EYA1: variants seen among roughly 807,000 people sequenced by gnomAD.
The protein encoded by EYA1 is EYA transcriptional coactivator and phosphatase 1.
In EYA1, 16 loss-of-function variants were observed where a neutral mutation model predicts 82.0. The observed-to-expected ratio is 0.20, with a 90% CI of 0.13 to 0.30. The LOEUF is 0.30. Ranked by LOEUF, EYA1 falls within the 10% of genes least tolerant of loss-of-function variation. The pLI, the probability that EYA1 is intolerant of heterozygous loss-of-function variation, is 1.00. For missense variants in EYA1, 633 were observed against 730.7 expected, an observed-to-expected ratio of 0.87 and a Z score of 1.54; for synonymous variants, 261 against 264.4, an observed-to-expected ratio of 0.99 and a Z score of 0.12.
At chr8:71,289,216 G>A (rs1033144608) in intron 9 of EYA1, among the ~76,000 whole-genome samples, 1 of 152,240 alleles carries the variant, frequency 6.6e-6, no homozygotes, top group Non-Finnish European at 1.5e-5. Flanking sequence ...GTAGGATACA[G>A]GGGAAGCACG....
chr8:71,238,366 C>T (rs866193956), intron 12 of EYA1, among the ~76,000 whole-genome samples: 3 of 152,010 alleles, frequency 2.0e-5, no homozygotes, highest in Non-Finnish European at 4.4e-5. Flanking sequence ...CATTCATTTC[C>T]CATGTTTTGT....
At chr8:71,421,943 G>A (rs753213914) in intron 2 of EYA1, among the ~76,000 whole-genome samples, 9 of 152,176 alleles carry the variant, frequency 5.9e-5, no homozygotes, top group South Asian at 2.1e-4. Context: ...GAAAAGTATC[G>A]GCGTCAGTAT....
At chr8:71,408,190 C>A (rs1212198784) in intron 2 of EYA1, among the ~76,000 whole-genome samples, 2 of 151,904 alleles carry the variant, frequency 1.3e-5, no homozygotes, top group East Asian at 3.9e-4. Context: ...TTTGTCACCA[C>A]TAGGCCTGCC....
chr8:71,307,821 C>T (rs1195193108), intron 7 of EYA1, among the ~76,000 whole-genome samples: 2 of 152,196 alleles, frequency 1.3e-5, no homozygotes, highest in Non-Finnish European at 2.9e-5. Context: ...AGGATCCTAA[C>T]AGAACACTGA....
At chr8:71,235,721 G>A (rs774475907) in intron 12 of EYA1, among the ~76,000 whole-genome samples, 3 of 152,078 alleles carry the variant, frequency 2.0e-5, no homozygotes, top group Non-Finnish European at 4.4e-5. Flanking sequence ...GGTACTTAAT[G>A]GTTATTCAAT....
chr8:71,428,844 G>A (rs1427736974), intron 2 of EYA1, among the ~76,000 whole-genome samples: 1 of 152,128 alleles, frequency 6.6e-6, no homozygotes, highest in Admixed American at 6.6e-5. Flanking sequence ...AGAAACAAGA[G>A]AGAAAGCTGA....
intron 3 of EYA1, among the ~76,000 whole-genome samples, chr8:71,353,494 T>C (rs975745708): frequency 2.0e-5 from 3 of 152,216 alleles, no homozygotes; most frequent in African/African-American, 7.2e-5. Flanking sequence ...TCCGCAAAAT[T>C]TCAATTTTTG....
intron 3 of EYA1, among the ~76,000 whole-genome samples, chr8:71,342,644 G>A (rs2129054724): frequency 6.6e-6 from 1 of 152,226 alleles, no homozygotes; most frequent in Admixed American, 6.5e-5. Context: ...TAAAAAATGT[G>A]TATTTTAATA....
chr8:71,431,494 C>A (rs183123078), intron 2 of EYA1, among the ~76,000 whole-genome samples: 3 of 152,204 alleles, frequency 2.0e-5, no homozygotes, highest in Admixed American at 6.5e-5. Flanking sequence ...CCCTGATACC[C>A]TCCCTCTTCA....
chr8:71,535,126 G>A (rs1454658442), intron 2 of EYA1, among the ~76,000 whole-genome samples: 1 of 151,998 alleles, frequency 6.6e-6, no homozygotes, highest in Non-Finnish European at 1.5e-5. Flanking sequence ...TAACTCAAAG[G>A]TTATTTGTAA....
intron 2 of EYA1, among the ~76,000 whole-genome samples, chr8:71,433,666 T>C (rs1454526092): frequency 4.6e-5 from 7 of 152,306 alleles, no homozygotes; most frequent in Middle Eastern, 3.4e-3. Flanking sequence ...GTAAAGGTCC[T>C]GAGTACGGGT....
intron 2 of EYA1, among the ~76,000 whole-genome samples, chr8:71,423,289 T>C (rs1213213975): frequency 1.3e-5 from 2 of 152,018 alleles, no homozygotes; most frequent in Non-Finnish European, 2.9e-5. Flanking sequence ...CATACTGTTT[T>C]AAACATCTGA....
rs112773815 is a variant in EYA1 at position 71,399,081 on chromosome 8, G to A, written c.34-42570C>T. On this transcript the variant is annotated intron_variant, in intron 2 of 18. Coordinates refer to the EYA1 transcript ENST00000643681. Reference sequence around the variant, plus strand: ...CAGTAAGTGAGGCTCTGTGGGCGTGGGACCCTCCAAGCCATGTGCGGGATA... The same window carrying A: ...CAGTAAGTGAGGCTCTGTGGGCGTGAGACCCTCCAAGCCATGTGCGGGATA... Among the ~76,000 whole-genome samples, 549 of 152,314 alleles carry A rather than the reference G, an allele frequency of 3.6e-3. 4 individuals carry two copies. The highest frequency in any genetic ancestry group is 0.012 in the African/African-American group (516 of 41,560).
rs1259081712 is a variant in EYA1 at position 71,407,026 on chromosome 8, T to G, written c.34-50515A>C. Among the ~76,000 whole-genome samples the G allele has an allele frequency of 1.4e-3, 174 of 121,566 alleles. 1 individual carries two copies. The highest frequency in any genetic ancestry group is 4.7e-3 in the African/African-American group (170 of 36,458). The allele number at this position is 121,566 out of a possible 152,430, so 79.8% of individuals were successfully genotyped here. On this transcript the variant is annotated intron_variant, in intron 2 of 18. Transcript: ENST00000643681. ...TTCTCCCAGCACGCAGCTGGAGATCTGAGAACGGGCAGACTGCCTCCTCAA... is the reference window on the plus strand; with the variant it reads ...TTCTCCCAGCACGCAGCTGGAGATCGGAGAACGGGCAGACTGCCTCCTCAA...
At chr8:71,430,033 C>A (rs998957474) in intron 2 of EYA1, among the ~76,000 whole-genome samples, 1 of 152,132 alleles carries the variant, frequency 6.6e-6, no homozygotes, top group Non-Finnish European at 1.5e-5. Context: ...AAATAACTTA[C>A]AAACACCTAT....
At chr8:71,266,166 G>A (rs562230879) in intron 11 of EYA1, among the ~76,000 whole-genome samples, 240 of 152,312 alleles carry the variant, frequency 1.6e-3, no homozygotes, top group Non-Finnish European at 2.3e-3. Flanking sequence ...ACAGAACAGC[G>A]ATCACATTGT....
At chr8:71,528,812 G>T (rs1814018963) in intron 2 of EYA1, among the ~76,000 whole-genome samples, 1 of 152,162 alleles carries the variant, frequency 6.6e-6, no homozygotes, top group Non-Finnish European at 1.5e-5. Context: ...ATGCAAGAAA[G>T]GTATTATTAT....
Position 71,378,369 on chromosome 8 carries a change from G to A in EYA1, c.34-21858C>T, listed in dbSNP as rs561062409. 8.5e-5 allele frequency among the ~76,000 whole-genome samples: 13 copies of A among 152,202 alleles called. No individual in the cohort carries two copies. In the South Asian group the frequency reaches 2.7e-3, roughly 32 times the overall value. On this transcript the variant is annotated intron_variant, in intron 2 of 18. Coordinates refer to the EYA1 transcript ENST00000643681. ...GAAACTCATGCACTGTTTAAGGCGGGGTAGGCTTAAGAAGTGGTAACCATA... is the reference window on the plus strand; with the variant it reads ...GAAACTCATGCACTGTTTAAGGCGGAGTAGGCTTAAGAAGTGGTAACCATA...
chr8:71,399,263 C>T (rs1563573140), intron 2 of EYA1, among the ~76,000 whole-genome samples: 1 of 152,140 alleles, frequency 6.6e-6, no homozygotes, highest in Admixed American at 6.5e-5. Context: ...GATGCCCTGC[C>T]CTGCTCCATG....
Sources: allele counts gnomAD v4.1 joint callset (sites outside exome capture counted in the v4.1 genomes callset), GRCh38; gene constraint gnomAD v4.1.1; transcripts MANE v1.5; gene names NCBI Gene and HGNC (gene_info 2026-07-23, HGNC 2026-07-21).